PKD2L1: variants seen among roughly 807,000 people sequenced by gnomAD.
PKD2L1 encodes the protein polycystin 2 like 1, transient receptor potential cation channel.
A neutral mutation model predicts 93.0 loss-of-function variants in PKD2L1; 77 were observed. The ratio of observed to expected loss-of-function variants is 0.83; its 90% CI spans 0.69 to 1.00. The LOEUF is 1.00. PKD2L1 is among the 50% of genes least tolerant of loss of function. The pLI is 0.00. For missense variants in PKD2L1, 977 were observed against 990.9 expected (o/e 0.99, Z 0.19); for synonymous variants, 390 against 388.0 (o/e 1.01, Z -0.06).
At chr10:100,325,704 TCTTC>T (rs1849363683) in intron 2 of PKD2L1, among the ~76,000 whole-genome samples, 1 of 152,160 alleles carries the variant, frequency 6.6e-6, no homozygotes, top group African/African-American at 2.4e-5. Context: ...TCAGATTAAT[TCTTC>T]CTTCCTCACC....
chr10:100,318,293 G>C (rs894745517), intron 2 of PKD2L1, among the ~76,000 whole-genome samples: 38 of 152,110 alleles, frequency 2.5e-4, no homozygotes, highest in African/African-American at 8.5e-4. Flanking sequence ...ATGTCTCCCA[G>C]TTGCCTATCA....
At chr10:100,292,307 C>T (rs1280183385) in intron 11 of PKD2L1, among the ~76,000 whole-genome samples, 1 of 152,010 alleles carries the variant, frequency 6.6e-6, no homozygotes, top group Non-Finnish European at 1.5e-5. Context: ...GCCTGGCCAA[C>T]ATGGCAAAAT....
chr10:100,292,643 T>C (rs1259915359), intron 11 of PKD2L1, among the ~76,000 whole-genome samples: 1 of 152,130 alleles, frequency 6.6e-6, no homozygotes, highest in African/African-American at 2.4e-5. Flanking sequence ...TGGGGAAGCA[T>C]AGAACAAAAA....
chr10:100,301,461 C>CG (rs150913784), intron 2 of PKD2L1, among the ~76,000 whole-genome samples: 3 of 151,752 alleles, frequency 2.0e-5, no homozygotes, highest in South Asian at 2.1e-4. Flanking sequence ...GAGGCCCCCC[C>CG]CCCGGGAATG....
In PKD2L1 at chr10:100,296,132, G is replaced by A. The variant is rs764471904; in HGVS notation, c.1346C>T (p.Ala449Val). ...NNMNAVNLFF[A>V]WIKIFKYISF... ...GGGAATCCCAGGTACCTTGATCCAG[G>A]CGAAGAAGAGGTTGACAGCATTCAT... The change falls in exon 7 of 16, where the codon GCC becomes GTC. Residue 449 changes from alanine (A) to valine (V), a missense_variant. Coordinates refer to ENST00000318222, the MANE Select transcript of PKD2L1 (RefSeq NM_016112.3). 1 of 1,609,846 alleles carries A rather than the reference G, an allele frequency of 6.2e-7. No homozygotes were observed. Among genetic ancestry groups the A allele is most frequent in the African/African-American group, 1.3e-5 (1 of 74,714 alleles).
chr10:100,292,195 A>T (rs559832305), intron 11 of PKD2L1, among the ~76,000 whole-genome samples: 2 of 152,256 alleles, frequency 1.3e-5, no homozygotes, highest in East Asian at 3.9e-4. Flanking sequence ...ATGAGCTCTT[A>T]GAAAACAAAG....
At chr10:100,325,128 C>A (rs1849349531) in intron 2 of PKD2L1, among the ~76,000 whole-genome samples, 1 of 152,190 alleles carries the variant, frequency 6.6e-6, no homozygotes, top group Admixed American at 6.6e-5. Flanking sequence ...TCTTCCTAAT[C>A]ACTCCCAATT....
intron 2 of PKD2L1, among the ~76,000 whole-genome samples, chr10:100,317,602 C>G (rs903455020): frequency 6.6e-6 from 1 of 152,182 alleles, no homozygotes; most frequent in Admixed American, 6.5e-5. Context: ...CTCCTAATGT[C>G]TGGCTTAATA....
intron 14 of PKD2L1, among the ~76,000 whole-genome samples, chr10:100,289,605 C>G (rs1415732671): frequency 1.3e-5 from 2 of 151,890 alleles, no homozygotes; most frequent in Non-Finnish European, 2.9e-5. Flanking sequence ...CCCCTTCCAC[C>G]ATGAAAGGGC....
At chr10:100,324,319 CT>C (rs1849329303) in intron 2 of PKD2L1, among the ~76,000 whole-genome samples, 1 of 152,170 alleles carries the variant, frequency 6.6e-6, no homozygotes, top group Admixed American at 6.5e-5. Context: ...CACAGTGTAC[CT>C]TAGGTTTTAC....
chr10:100,317,262 G>A (rs1234125152), intron 2 of PKD2L1, among the ~76,000 whole-genome samples: 1 of 151,866 alleles, frequency 6.6e-6, no homozygotes. Context: ...AAATTTGGCC[G>A]AGCACAGTGG....
In PKD2L1 at chr10:100,298,276, T is replaced by C. The variant is rs181568553; in HGVS notation, c.731+286A>G. On this transcript the variant is annotated intron_variant, in intron 4 of 15. Coordinates refer to ENST00000318222, the MANE Select transcript of PKD2L1 (RefSeq NM_016112.3). ...AACTTCTAGGCAAGAAAGGAAGCTT[T>C]CCCTGGAAGGACTACGTGCAAGGTA... Among the ~76,000 whole-genome samples, 257 of 152,290 alleles carry C rather than the reference T, an allele frequency of 1.7e-3. 1 individual carries two copies. The highest frequency in any genetic ancestry group is 5.9e-3 in the African/African-American group (245 of 41,566).
In PKD2L1 at chr10:100,309,520, C is replaced by A. The variant is rs565360180; in HGVS notation, c.350-9802G>T. Among the ~76,000 whole-genome samples the A allele has an allele frequency of 7.9e-5, 12 of 152,240 alleles. No individual in the cohort carries two copies. The South Asian group carries it at 2.3e-3, about 29-fold the overall frequency. ...CTGTTCCCTCCTCTCTTGGCTAATACCATGATTTTATATGAGGTATCACAC... is the reference window on the plus strand; with the variant it reads ...CTGTTCCCTCCTCTCTTGGCTAATAACATGATTTTATATGAGGTATCACAC... On this transcript the variant is annotated intron_variant, in intron 2 of 15. Transcript: ENST00000318222.
At chr10:100,307,118 G>C (rs1024265719) in intron 2 of PKD2L1, among the ~76,000 whole-genome samples, 1 of 152,084 alleles carries the variant, frequency 6.6e-6, no homozygotes, top group African/African-American at 2.4e-5. Context: ...AGAAAGAAAG[G>C]ACAAGACTAG....
In PKD2L1 at chr10:100,329,954, G is replaced by A; in HGVS notation, c.150C>T (p.Pro50=). Residue 50 remains proline (P), a synonymous_variant, in exon 1 of 16, where the codon CCC becomes CCT. Transcript: ENST00000318222. Reference sequence around the variant, plus strand: ...CCTGGGGTTCATCTTCAGGCTTCTTGGGTTGGGGCTGGAGAGGCCCCGTGC... The same window carrying A: ...CCTGGGGTTCATCTTCAGGCTTCTTAGGTTGGGGCTGGAGAGGCCCCGTGC... ...ISSTGPLQPQ[P]KKPEDEPQET... The A allele has an allele frequency of 1.2e-6, 2 of 1,614,072 alleles. No homozygotes were observed. Among genetic ancestry groups the A allele is most frequent in the Non-Finnish European group, 1.7e-6 (2 of 1,179,932 alleles).
intron 2 of PKD2L1, among the ~76,000 whole-genome samples, chr10:100,301,380 A>T (rs1378871800): frequency 6.6e-6 from 1 of 152,114 alleles, no homozygotes; most frequent in African/African-American, 2.4e-5. Context: ...GGGGCACTGC[A>T]GGTGGCCAGG....
At chr10:100,300,417 T>C (rs1309882980) in intron 2 of PKD2L1, among the ~76,000 whole-genome samples, 1 of 152,216 alleles carries the variant, frequency 6.6e-6, no homozygotes, top group Non-Finnish European at 1.5e-5. Context: ...ACCTGGACTT[T>C]ACCCTGAAGA....
Position 100,297,187 on chromosome 10 carries a change from A to C in PKD2L1, c.978T>G (p.Ala326=). 1.2e-6 allele frequency: 2 copies of C among 1,613,958 alleles called. No individual in the cohort carries two copies. The highest frequency in any genetic ancestry group is 1.7e-6 in the Non-Finnish European group (2 of 1,179,982). Residue 326 remains alanine, a synonymous_variant, in exon 6 of 16, where the codon GCT becomes GCG. Transcript: ENST00000318222. ...GCCAGGATGGGATGGCACCTCCTGT[A>C]GCTGGAAACTCCACCACCAGCCTAT... The part of the protein sequence containing the change: ...CVLRLVVEFP[A]TGGAIPSWQI...
In PKD2L1 at chr10:100,295,044, C is replaced by A. The variant is rs755427105; in HGVS notation, c.1436G>T (p.Gly479Val). ...AACAATGAAGAACATGACGGCGAAG[C>A]CCAGGATGTCCTTGGCACAGCGGGC... ...TLARCAKDIL[G>V]FAVMFFIVFF... The change falls in exon 8 of 16, where the codon GGC becomes GTC. Residue 479 changes from glycine to valine, a missense_variant. Gly to Val is a moderately radical substitution (Grantham distance 109). Coordinates refer to ENST00000318222, the MANE Select transcript of PKD2L1 (RefSeq NM_016112.3). 4 of 1,614,006 alleles carry A rather than the reference C, an allele frequency of 2.5e-6. No homozygotes were observed. The highest frequency in any genetic ancestry group is 4.5e-5 in the East Asian group (2 of 44,894).
Sources: gnomAD v4.1 joint callset for allele counts (sites outside exome capture counted in the v4.1 genomes callset) on GRCh38, gnomAD v4.1.1 for gene constraint, MANE v1.5 for transcripts, NCBI Gene and HGNC (gene_info 2026-07-23, HGNC 2026-07-21) for gene names.